Variants in GREB1L observed in about 807,000 individuals in gnomAD.
GREB1L encodes the protein GREB1 like retinoic acid receptor coactivator, also known as GREB1-like protein.
Under a neutral mutation model 200.8 loss-of-function variants are expected in GREB1L, and 17 were observed. The ratio of observed to expected loss-of-function variants is 0.08; its 90% CI spans 0.06 to 0.13. The LOEUF (loss-of-function observed/expected upper bound fraction) is 0.13, where lower values mean the gene tolerates loss of function less well. Among genes scored for constraint, GREB1L ranks in the 10% least tolerant of loss-of-function variants. The pLI, the probability that GREB1L is intolerant of heterozygous loss-of-function variation, is 1.00. For missense variants in GREB1L, 1,657 were observed against 2,367.7 expected (o/e 0.70, Z 6.23); for synonymous variants, 789 against 893.0 (o/e 0.88, Z 2.08).
chr18:21,472,584 T>G (rs1158005637), intron 15 of GREB1L, among the ~76,000 whole-genome samples: 1 of 144,212 alleles, frequency 6.9e-6, no homozygotes, highest in Non-Finnish European at 1.5e-5. Context: ...CCTTGAACAT[T>G]ATATTGGTTT....
chr18:21,456,332 T>G (rs2034763507), intron 15 of GREB1L, among the ~76,000 whole-genome samples: 1 of 152,216 alleles, frequency 6.6e-6, no homozygotes. Flanking sequence ...GTATTGTAAT[T>G]GGATTGTTTG....
At chr18:21,422,471 C>A (rs951793049) in intron 7 of GREB1L, among the ~76,000 whole-genome samples, 16 of 152,102 alleles carry the variant, frequency 1.1e-4, no homozygotes, top group African/African-American at 3.9e-4. Context: ...ATGTATTTTT[C>A]TAGATTTTCT....
rs1409376788 is a variant in GREB1L, at chr18:21,513,928, G to A, written c.4843G>A (p.Val1615Ile). 22 of 1,551,622 alleles carry A rather than the reference G, an allele frequency of 1.4e-5. No individual in the cohort carries two copies. The highest frequency in any genetic ancestry group is 2.0e-5 in the Admixed American group (1 of 50,996). Residue 1615 changes from valine (V) to isoleucine (I), a missense_variant, in exon 28 of 33, where the codon GTC becomes ATC. By Grantham distance (29) the Val-to-Ile change is conservative. Coordinates refer to ENST00000424526, the MANE Select transcript of GREB1L (RefSeq NM_001142966.3). Reference sequence around the variant, plus strand: ...ACGCCAGTGTGTCTGGCCTTTCATCGTCATGATGGATGACTCATGTGTCCT... The same window carrying A: ...ACGCCAGTGTGTCTGGCCTTTCATCATCATGATGGATGACTCATGTGTCCT... ...IKRQCVWPFIVMMDDSCVLWN... is the reference protein window; with the variant it reads ...IKRQCVWPFIIMMDDSCVLWN...
At position 21,355,573 on chromosome 18, in the gene GREB1L, T is replaced by C. The variant is rs78556220; in HGVS notation, c.-119-10454T>C. ...AATCACTGGAGTCCACCTTGGAAGA[T>C]AGCTACCACAGACTAAACCCTGTGG... On this transcript the variant is annotated intron_variant, in intron 1 of 32. Transcript: ENST00000424526. Among the ~76,000 whole-genome samples, 1,317 of 152,266 alleles carry C rather than the reference T, an allele frequency of 8.6e-3. 20 individuals carry two copies. Among genetic ancestry groups the C allele is most frequent in the African/African-American group, 0.03 (1,246 of 41,540 alleles).
intron 31 of GREB1L, among the ~76,000 whole-genome samples, chr18:21,519,018 C>T (rs577641048): frequency 2.0e-5 from 3 of 152,068 alleles, no homozygotes; most frequent in African/African-American, 2.4e-5. Flanking sequence ...ACTCTTTTAA[C>T]GCTAAAGTCA....
intron 1 of GREB1L, among the ~76,000 whole-genome samples, chr18:21,269,722 A>C (rs2144257990): frequency 6.6e-6 from 1 of 152,364 alleles, no homozygotes; most frequent in East Asian, 1.9e-4. Context: ...CACTTAAAAG[A>C]ATATGTTATT....
chr18:21,284,912 C>T (rs556461360), intron 1 of GREB1L, among the ~76,000 whole-genome samples: 3 of 152,260 alleles, frequency 2.0e-5, no homozygotes, highest in African/African-American at 7.2e-5. Context: ...GTTTGATTTG[C>T]ATTTCTCTAA....
intron 1 of GREB1L, among the ~76,000 whole-genome samples, chr18:21,299,122 A>T (rs1488246138): frequency 2.7e-5 from 4 of 150,854 alleles, no homozygotes; most frequent in Admixed American, 1.3e-4. Context: ...TACTAAAAAT[A>T]CAAAAATTAG....
intron 1 of GREB1L, among the ~76,000 whole-genome samples, chr18:21,246,424 C>T (rs924339600): frequency 1.3e-5 from 2 of 152,082 alleles, no homozygotes; most frequent in Admixed American, 1.3e-4. Flanking sequence ...CTTATGTTAT[C>T]TTAAAACATA....
chr18:21,485,766 T>C lies in GREB1L; in HGVS notation c.2690+13T>C. 1 of 1,550,494 alleles carries C rather than the reference T, an allele frequency of 6.4e-7. No homozygotes were observed. Among genetic ancestry groups the C allele is most frequent in the Non-Finnish European group, 8.7e-7 (1 of 1,146,304 alleles). On this transcript the variant is annotated intron_variant, in intron 18 of 32. Coordinates refer to ENST00000424526, the MANE Select transcript of GREB1L (RefSeq NM_001142966.3). ...CACTCTTGGAGAGGTAAATAGTAAA[T>C]AAGGCCTTCTGCTCTTCTCTCTAGC...
chr18:21,267,402 G>A (rs1160146088), intron 1 of GREB1L, among the ~76,000 whole-genome samples: 9 of 151,766 alleles, frequency 5.9e-5, no homozygotes, highest in East Asian at 3.9e-4. Flanking sequence ...GGGTGGTCTC[G>A]AACTCCTGAC....
chr18:21,468,654 T>A, intron 15 of GREB1L: 1 of 454,482 alleles, frequency 2.2e-6, no homozygotes, highest in South Asian at 1.6e-5. Flanking sequence ...GAGCAGGAAC[T>A]CAGTGCCAGA....
At chr18:21,347,648 G>A (rs1376116315) in intron 1 of GREB1L, among the ~76,000 whole-genome samples, 2 of 151,292 alleles carry the variant, frequency 1.3e-5, no homozygotes, top group African/African-American at 2.4e-5. Context: ...GTAGAGACGG[G>A]GTTTTGCCAT....
At chr18:21,455,323 C>CAA (rs1439467862) in intron 15 of GREB1L, among the ~76,000 whole-genome samples, 1 of 150,616 alleles carries the variant, frequency 6.6e-6, no homozygotes, top group African/African-American at 2.4e-5. Flanking sequence ...GAGGAAAACA[C>CAA]ACACACACAC....
At chr18:21,360,378 C>T (rs1163753649) in intron 1 of GREB1L, among the ~76,000 whole-genome samples, 1 of 151,998 alleles carries the variant, frequency 6.6e-6, no homozygotes, top group African/African-American at 2.4e-5. Flanking sequence ...GCCACCACAC[C>T]TAGCTAATTT....
At chr18:21,276,134 A>G (rs2038159591) in intron 1 of GREB1L, among the ~76,000 whole-genome samples, 1 of 152,214 alleles carries the variant, frequency 6.6e-6, no homozygotes, top group African/African-American at 2.4e-5. Flanking sequence ...GAATGCCTAC[A>G]TAAGACCTGT....
intron 1 of GREB1L, among the ~76,000 whole-genome samples, chr18:21,282,214 C>T (rs748496907): frequency 1.3e-5 from 2 of 152,122 alleles, no homozygotes; most frequent in Non-Finnish European, 2.9e-5. Context: ...TTCAAGCCTG[C>T]AGTGAGCTGT....
chr18:21,407,032 G>A (rs1226811626), intron 7 of GREB1L, among the ~76,000 whole-genome samples: 3 of 151,908 alleles, frequency 2.0e-5, no homozygotes, highest in Non-Finnish European at 2.9e-5. Flanking sequence ...ATGCCACCAC[G>A]CCCGGCTGAT....
intron 1 of GREB1L, among the ~76,000 whole-genome samples, chr18:21,260,879 G>A (rs2037878952): frequency 6.6e-6 from 1 of 151,760 alleles, no homozygotes; most frequent in East Asian, 1.9e-4. Flanking sequence ...ATTTTAATTT[G>A]AATAGTCATT....
Sources: allele counts gnomAD v4.1 joint callset (sites outside exome capture counted in the v4.1 genomes callset), GRCh38; gene constraint gnomAD v4.1.1; transcripts MANE v1.5; gene names NCBI Gene and HGNC (gene_info 2026-07-23, HGNC 2026-07-21).